LRRC1: variants seen among roughly 807,000 people sequenced by gnomAD.
LRRC1 encodes the protein leucine rich repeat containing 1.
A neutral mutation model predicts 69.9 loss-of-function variants in LRRC1; 28 were observed. The ratio of observed to expected loss-of-function variants is 0.40; its 90% CI spans 0.30 to 0.55. The LOEUF (loss-of-function observed/expected upper bound fraction) is 0.55, where lower values mean the gene tolerates loss of function less well. LRRC1 is among the 20% of genes least tolerant of loss of function. The pLI is 0.47. For missense variants in LRRC1, 498 were observed against 609.0 expected (o/e 0.82, Z 1.92); for synonymous variants, 236 against 240.2 (o/e 0.98, Z 0.16).
chr6:53,900,033 T>TTTTTG, intron 8 of LRRC1, 142 bp downstream of exon 8: 1 of 307,696 alleles, frequency 3.2e-6, no homozygotes. Flanking sequence ...TTTTTTTTTT[T>TTTTTG]TTTTTTTTTT....
intron 4 of LRRC1, among the ~76,000 whole-genome samples, chr6:53,892,041 C>CACACACACAT (rs1767722141): frequency 1.3e-5 from 2 of 150,566 alleles, no homozygotes; most frequent in East Asian, 3.9e-4. Flanking sequence ...CACACACACA[C>CACACACACAT]ACACACATAC....
chr6:53,800,127 A>T lies in LRRC1; in HGVS notation c.159+4712A>T, dbSNP rs137898848. 2.0e-3 allele frequency among the ~76,000 whole-genome samples: 299 copies of T among 152,096 alleles called. 4 individuals carry two copies. In the East Asian group the frequency reaches 0.041, roughly 21 times the overall value. On this transcript the variant is annotated intron_variant, in intron 1 of 13. Transcript: ENST00000370888. Reference sequence around the variant, plus strand: ...TGTTACCTACTTTATAGGGTTATAGAGTTATTAAAGACTATGTGTAAAGCA... The same window carrying T: ...TGTTACCTACTTTATAGGGTTATAGTGTTATTAAAGACTATGTGTAAAGCA...
intron 2 of LRRC1, among the ~76,000 whole-genome samples, chr6:53,869,735 A>G (rs557368712): frequency 8.1e-6 from 1 of 123,866 alleles, no homozygotes; most frequent in Admixed American, 7.7e-5. Flanking sequence ...GAGATTTACC[A>G]TCATCAAACA....
rs1462047724 is a variant in LRRC1, at chr6:53,896,759, G to GT, written c.504-69dup. 5.7e-6 allele frequency: 6 copies of GT among 1,046,156 alleles called. No homozygotes were observed. In the African/African-American group the frequency reaches 6.4e-5, roughly 11 times the overall value. 64.8% of individuals were successfully genotyped at this position (1,046,156 alleles called of 1,614,324 possible). A position where few individuals can be genotyped will look rare whatever the true frequency, so the allele number is the denominator to read the frequency against. ...GACCTTATTTTTGAAGCTAGTCCAAGTGAGGGATACTATATTGCTCAGCAT... is the reference window on the plus strand; with the variant it reads ...GACCTTATTTTTGAAGCTAGTCCAAGTTGAGGGATACTATATTGCTCAGCAT... On this transcript the variant is annotated intron_variant, in intron 5 of 13. Coordinates refer to ENST00000370888, the MANE Select transcript of LRRC1 (RefSeq NM_018214.5).
At chr6:53,910,172 A>T (rs1768364601) in intron 10 of LRRC1, among the ~76,000 whole-genome samples, 1 of 152,202 alleles carries the variant, frequency 6.6e-6, no homozygotes, top group South Asian at 2.1e-4. Context: ...CTGGACAAAG[A>T]TTCTCAGCTA....
chr6:53,863,013 T>G (rs1766582080), intron 2 of LRRC1, among the ~76,000 whole-genome samples: 1 of 152,184 alleles, frequency 6.6e-6, no homozygotes, highest in African/African-American at 2.4e-5. Flanking sequence ...AGGACTTTGT[T>G]TTATCCTAGT....
chr6:53,842,266 C>T (rs776564619), intron 2 of LRRC1, 39 bp downstream of exon 2: 17 of 1,403,146 alleles, frequency 1.2e-5, no homozygotes, highest in Non-Finnish European at 1.3e-5. Flanking sequence ...TTTGTCTCTT[C>T]AGATGCTGGG....
rs148896988 is a variant in LRRC1, at chr6:53,850,030, A to G, written c.277+7803A>G. Among the ~76,000 whole-genome samples, 306 of 151,642 alleles carry G rather than the reference A, an allele frequency of 2.0e-3. 2 individuals are homozygous for G. The highest frequency in any genetic ancestry group is 0.01 in the Middle Eastern group (3 of 294). ...AACTCTGGCACTTTAAAAAATGCTT[A>G]CAGTTAACAACTGTAGCTCATAATA... is the stretch of plus-strand genomic sequence containing the variant. On this transcript the variant is annotated intron_variant, in intron 2 of 13. Transcript: ENST00000370888.
chr6:53,802,690 C>A (rs999784564), intron 1 of LRRC1, among the ~76,000 whole-genome samples: 4 of 151,926 alleles, frequency 2.6e-5, no homozygotes, highest in Non-Finnish European at 5.9e-5. Context: ...CCCTGGTAAC[C>A]CTGTGGGTTC....
Position 53,896,880 on chromosome 6 carries a change from A to C in LRRC1, c.555A>C (p.Glu185Asp). The C allele has an allele frequency of 6.3e-7, 1 of 1,597,124 alleles. No homozygotes were observed. The highest frequency in any genetic ancestry group is 1.1e-5 in the South Asian group (1 of 90,406). ...AAGAACTTGATTTAGGAAACAATGA[A>C]ATATATAATTTGGTAAGTCCGTATT... ...RLEELDLGNNEIYNLPESIGA... is the reference protein window; with the variant it reads ...RLEELDLGNNDIYNLPESIGA... Residue 185 changes from glutamate to aspartate, a missense_variant, in exon 6 of 14, where the codon GAA becomes GAC. By Grantham distance (45) the Glu-to-Asp change is conservative (BLOSUM62 2). Transcript: ENST00000370888.
intron 2 of LRRC1, among the ~76,000 whole-genome samples, chr6:53,862,286 C>CGTGTGTGTGTGTGT (rs6149589): frequency 1.4e-5 from 2 of 144,264 alleles, no homozygotes; most frequent in East Asian, 2.0e-4. Context: ...TAACCTGAAT[C>CGTGTGTGTGTGTGT]GTGTGTGTGT....
chr6:53,859,273 T>C (rs1766417848), intron 2 of LRRC1, among the ~76,000 whole-genome samples: 3 of 152,220 alleles, frequency 2.0e-5, no homozygotes, highest in Admixed American at 2.0e-4. Flanking sequence ...TTCCTTCACT[T>C]CGAGCAGTTG....
At chr6:53,800,364 C>T (rs1216992107) in intron 1 of LRRC1, among the ~76,000 whole-genome samples, 1 of 148,464 alleles carries the variant, frequency 6.7e-6, no homozygotes, top group Non-Finnish European at 1.5e-5. Flanking sequence ...GATTCTCCTG[C>T]CTCAGCCTCT....
chr6:53,846,578 T>C (rs1448669567), intron 2 of LRRC1, among the ~76,000 whole-genome samples: 1 of 152,222 alleles, frequency 6.6e-6, no homozygotes, highest in South Asian at 2.1e-4. Context: ...TTGTCTTAAC[T>C]TGGTGGATTT....
chr6:53,879,850 A>G (rs1767222760), intron 3 of LRRC1, among the ~76,000 whole-genome samples: 2 of 152,094 alleles, frequency 1.3e-5, no homozygotes, highest in Admixed American at 1.3e-4. Flanking sequence ...CTTAGTCGTG[A>G]GTCCACTCAC....
chr6:53,913,716 G>A, intron 10 of LRRC1, 138 bp from the exon 11 acceptor site: 1 of 458,080 alleles, frequency 2.2e-6, no homozygotes, highest in South Asian at 6.3e-5. Context: ...AATGATTGTT[G>A]GTCATCAGTG....
chr6:53,906,503 C>G (rs1381635289), intron 10 of LRRC1, among the ~76,000 whole-genome samples: 2 of 152,208 alleles, frequency 1.3e-5, no homozygotes, highest in Admixed American at 6.5e-5. Context: ...TCCCCTGACT[C>G]TCTTTCACAA....
chr6:53,870,223 T>C (rs1048128113), intron 2 of LRRC1, among the ~76,000 whole-genome samples: 6 of 152,152 alleles, frequency 3.9e-5, no homozygotes, highest in African/African-American at 1.4e-4. Context: ...CAGAATTTCT[T>C]ACAGCCACCA....
intron 7 of LRRC1, 43 bp from the exon 8 acceptor site, chr6:53,899,704 G>T: frequency 1.3e-6 from 2 of 1,596,782 alleles, no homozygotes; most frequent in Non-Finnish European, 1.7e-6. Context: ...CTGCACTGTG[G>T]CAGGTTTAAG....
Sources: gnomAD v4.1 joint callset for allele counts (sites outside exome capture counted in the v4.1 genomes callset) on GRCh38, gnomAD v4.1.1 for gene constraint, MANE v1.5 for transcripts, NCBI Gene and HGNC (gene_info 2026-07-23, HGNC 2026-07-21) for gene names.